Variants in CDK12 observed in about 807,000 individuals in gnomAD.
The protein encoded by CDK12 is cyclin dependent kinase 12.
CDK12 carries 17 observed loss-of-function variants against 133.8 expected under a neutral mutation model. That is an observed-to-expected ratio of 0.13 (90% CI 0.09 to 0.19). The LOEUF (loss-of-function observed/expected upper bound fraction) is 0.19, where lower values mean the gene tolerates loss of function less well. Ranked by LOEUF, CDK12 falls within the 10% of genes least tolerant of loss-of-function variation. The pLI is 1.00. For synonymous variants in CDK12, 694 were observed against 683.6 expected (o/e 1.02, Z -0.24); for missense variants, 1,508 against 1,818.7 (o/e 0.83, Z 3.11).
In CDK12 at chr17:39,494,288, G is replaced by A. The variant is rs1012626928; in HGVS notation, c.2249-236G>A. ...GGGTTTCACCACGTTGGCTAGGCTG[G>A]TCTCGAATTCCTAACCTCAGGTGAT... On this transcript the variant is annotated intron_variant, in intron 4 of 13. Coordinates refer to ENST00000447079, the MANE Select transcript of CDK12 (RefSeq NM_016507.4). Among the ~76,000 whole-genome samples, 4 of 152,128 alleles carry A rather than the reference G, an allele frequency of 2.6e-5. No homozygotes were observed. In the South Asian group the frequency reaches 6.2e-4, roughly 24 times the overall value.
At chr17:39,482,141 G>A (rs2050766108) in intron 2 of CDK12, among the ~76,000 whole-genome samples, 1 of 151,212 alleles carries the variant, frequency 6.6e-6, no homozygotes, top group Non-Finnish European at 1.5e-5. Flanking sequence ...AGCCTCCTGA[G>A]TAGCTGGATT....
intron 1 of CDK12, among the ~76,000 whole-genome samples, chr17:39,470,166 C>G (rs542091751): frequency 2.0e-5 from 3 of 146,874 alleles, no homozygotes; most frequent in South Asian, 4.3e-4. Flanking sequence ...TAGTCTCACT[C>G]TGTCGCCCAG....
chr17:39,555,410 C>A (rs1047075953), intron 2 of CDK12, among the ~76,000 whole-genome samples: 2 of 151,792 alleles, frequency 1.3e-5, no homozygotes, highest in East Asian at 1.9e-4. Flanking sequence ...GGATGAGGGA[C>A]CTCTGCCCAC....
chr17:39,467,390 G>T (rs116903011), intron 1 of CDK12, among the ~76,000 whole-genome samples: 11 of 151,954 alleles, frequency 7.2e-5, no homozygotes, highest in African/African-American at 1.4e-4. Context: ...TTCGGTGAGT[G>T]GGGGGGAAAT....
chr17:39,511,723 C>G (rs1327022705), intron 8 of CDK12, 93 bp downstream of exon 8: 2 of 651,194 alleles, frequency 3.1e-6, no homozygotes, highest in Non-Finnish European at 5.0e-6. Flanking sequence ...TAGAGCTCTT[C>G]TTAAGTTCAG....
In CDK12 at chr17:39,461,877, C is replaced by T; in HGVS notation, c.-195C>T. On this transcript the variant is annotated 5_prime_UTR_variant, in exon 1 of 14. Coordinates refer to ENST00000447079, the MANE Select transcript of CDK12 (RefSeq NM_016507.4). ...GGAACTCTCATTTCTTCCCTCGCTC[C>T]TTCACCCCCCACCTCATGTAGAAGG... 1.7e-6 allele frequency: 1 copy of T among 593,998 alleles called. No individual in the cohort carries two copies. Among genetic ancestry groups the T allele is most frequent in the Non-Finnish European group, 3.0e-6 (1 of 331,878 alleles). The allele number at this position is 593,998 out of a possible 1,614,324, so 36.8% of individuals were successfully genotyped here. A position where few individuals can be genotyped will look rare whatever the true frequency, so the allele number is the denominator to read the frequency against.
chr17:39,520,180 C>A, intron 11 of CDK12, 93 bp downstream of exon 11: 2 of 1,359,654 alleles, frequency 1.5e-6, no homozygotes, highest in Non-Finnish European at 2.0e-6. Context: ...CCCAGTAAGA[C>A]CCAAATGAAG....
At chr17:39,496,730 A>G (rs2052145503) in intron 5 of CDK12, among the ~76,000 whole-genome samples, 1 of 151,800 alleles carries the variant, frequency 6.6e-6, no homozygotes, top group Non-Finnish European at 1.5e-5. Context: ...ACATAATAAC[A>G]ATGCCTTGAG....
Position 39,532,107 on chromosome 17 carries a change from TC to T in CDK12, c.*792del, listed in dbSNP as rs2054890930. ...TGTGTGCTCTCTCTCTCTCTTTCTC[TC>T]TCTCTCTCTCTCTCTCTCTCTCTCT... is the stretch of plus-strand genomic sequence containing the variant. On this transcript the variant is annotated 3_prime_UTR_variant, in exon 14 of 14. Coordinates refer to ENST00000447079, the MANE Select transcript of CDK12 (RefSeq NM_016507.4). The T allele has an allele frequency of 2.1e-4, 5 of 23,290 alleles. No homozygotes were observed. In the East Asian group the frequency reaches 6.7e-3, roughly 31 times the overall value. The allele number at this position is 23,290 out of a possible 1,614,324, so 1.4% of individuals were successfully genotyped here.
At chr17:39,544,235 AT>A, upstream of CDK12, 1 of 483,882 alleles carries the variant, frequency 2.1e-6, no homozygotes, top group East Asian at 5.0e-5. Flanking sequence ...GTAACCTGCC[AT>A]TTTCCTTTAC....
intron 13 of CDK12, 159 bp from the exon 14 acceptor site, chr17:39,530,445 G>T (rs1384342363): frequency 1.9e-6 from 2 of 1,048,866 alleles, no homozygotes; most frequent in African/African-American, 3.2e-5. Context: ...TTAATCACTT[G>T]ATTTATTTAT....
intron 13 of CDK12, among the ~76,000 whole-genome samples, chr17:39,528,096 T>G (rs2054601864): frequency 6.6e-6 from 1 of 151,254 alleles, no homozygotes; most frequent in Non-Finnish European, 1.5e-5. Context: ...TTTTTTGTAT[T>G]TTTAGTAGAG....
chr17:39,462,548 T>G lies in CDK12; in HGVS notation c.477T>G (p.Asp159Glu). ...CAAAGCGTTCGAATGAGGAGACTGA[T>G]GACTATGGGAAGGCGCAGGTAGCCA... ...GSSKRSNEET[D>E]DYGKAQVAKS... is the part of the protein sequence containing the mutation. Residue 159 changes from aspartate to glutamate, a missense_variant, in exon 1 of 14, where the codon GAT becomes GAG. This residue lies in a region of CDK12 where 460 missense variants were observed against 490.8 expected (regional missense o/e 0.94). Coordinates refer to ENST00000447079, the MANE Select transcript of CDK12 (RefSeq NM_016507.4). 1 of 1,614,032 alleles carries G rather than the reference T, an allele frequency of 6.2e-7. No individual in the cohort carries two copies. Among genetic ancestry groups the G allele is most frequent in the Non-Finnish European group, 8.5e-7 (1 of 1,180,026 alleles).
upstream of CDK12, chr17:39,543,976 C>T: frequency 1.7e-5 from 4 of 233,580 alleles, no homozygotes; most frequent in East Asian, 9.0e-5. Context: ...TGTTGAATTC[C>T]CTAACTTTAA....
rs139142803 is a variant in CDK12, at chr17:39,528,370, G to C, written c.3760+2054G>C. ...TGTTTTTGAGATGGAGTCTCGCTCT[G>C]TCACCCAGGCTGGAGTGCAGTGGCG... On this transcript the variant is annotated intron_variant, in intron 13 of 13. Transcript: ENST00000447079. 8.7e-3 allele frequency among the ~76,000 whole-genome samples: 1,329 copies of C among 152,186 alleles called. 10 individuals are homozygous for C. The highest frequency in any genetic ancestry group is 0.028 in the East Asian group (143 of 5,178).
chr17:39,531,170 C>T lies in CDK12; in HGVS notation c.4327C>T (p.Leu1443=), dbSNP rs774234377. Reference sequence around the variant, plus strand: ...GACCAAATTGCAAAACTATGGGGAGCTGGGGCCAGGAACCACTGGGGCCAG... The same window carrying T: ...GACCAAATTGCAAAACTATGGGGAGTTGGGGCCAGGAACCACTGGGGCCAG... ...AETKLQNYGE[L]GPGTTGASSS... is the part of the protein sequence containing the mutation. Residue 1443 remains leucine, a synonymous_variant, in exon 14 of 14, where the codon CTG becomes TTG. Transcript: ENST00000447079. 1 of 1,524,892 alleles carries T rather than the reference C, an allele frequency of 6.6e-7. No individual in the cohort carries two copies. The highest frequency in any genetic ancestry group is 8.8e-7 in the Non-Finnish European group (1 of 1,137,630). 94.5% of individuals were successfully genotyped at this position (1,524,892 alleles called of 1,614,324 possible).
Position 39,463,174 on chromosome 17 carries a change from A to G in CDK12, c.1046+57A>G, listed in dbSNP as rs2049068509. ...TTAGGGTGGGTTGCGAGGAATTGGC[A>G]TTCAGCGTGTTAACATTGTCTGGAA... On this transcript the variant is annotated intron_variant, in intron 1 of 13. Coordinates refer to ENST00000447079, the MANE Select transcript of CDK12 (RefSeq NM_016507.4). 6 of 1,476,366 alleles carry G rather than the reference A, an allele frequency of 4.1e-6. No homozygotes were observed. In the Admixed American group the frequency reaches 5.4e-5, roughly 13 times the overall value. The allele number at this position is 1,476,366 out of a possible 1,614,324, so 91.5% of individuals were successfully genotyped here.
At position 39,477,124 on chromosome 17, in the gene CDK12, G is replaced by A. The variant is rs542014549; in HGVS notation, c.1931+5361G>A. 6.6e-5 allele frequency among the ~76,000 whole-genome samples: 10 copies of A among 151,626 alleles called. No homozygotes were observed. The South Asian group carries it at 1.7e-3, about 25-fold the overall frequency. Reference sequence around the variant, plus strand: ...CAACCTCCACCACCAGGGTTCAAGCGATTCTCCTGCCTCAGCCTCCTGAGT... The same window carrying A: ...CAACCTCCACCACCAGGGTTCAAGCAATTCTCCTGCCTCAGCCTCCTGAGT... On this transcript the variant is annotated intron_variant, in intron 2 of 13. Coordinates refer to ENST00000447079, the MANE Select transcript of CDK12 (RefSeq NM_016507.4).
intron 1 of CDK12, among the ~76,000 whole-genome samples, chr17:39,464,396 TTC>T (rs2049148905): frequency 1.2e-5 from 1 of 81,078 alleles, no homozygotes; most frequent in Admixed American, 1.3e-4. Flanking sequence ...AATTTTTTTT[TTC>T]TTTTTCTTTT....
Sources: gnomAD v4.1 joint callset for allele counts (sites outside exome capture counted in the v4.1 genomes callset) on GRCh38, gnomAD v4.1.1 for gene constraint, gnomAD v4.1.1 regional missense constraint, MANE v1.5 for transcripts, NCBI Gene and HGNC (gene_info 2026-07-23, HGNC 2026-07-21) for gene names.